The following RNF111 variants were observed in gnomAD, a reference collection of about 807,000 sequenced individuals.
RNF111 encodes E3 ubiquitin-protein ligase Arkadia.
A neutral mutation model predicts 95.1 loss-of-function variants in RNF111; 17 were observed. That is an observed-to-expected ratio of 0.18 (90% CI 0.12 to 0.27). The LOEUF (loss-of-function observed/expected upper bound fraction) is 0.27, where lower values mean the gene tolerates loss of function less well. Among genes scored for constraint, RNF111 ranks in the 10% least tolerant of loss-of-function variants. RNF111 has a pLI of 1.00. For missense variants in RNF111, 1,189 were observed against 1,210.4 expected, an observed-to-expected ratio of 0.98 and a Z score of 0.26; for synonymous variants, 440 against 414.8, an observed-to-expected ratio of 1.06 and a Z score of -0.74.
At chr15:59,006,098 T>C (rs1238200186) in intron 1 of RNF111, among the ~76,000 whole-genome samples, 3 of 152,208 alleles carry the variant, frequency 2.0e-5, no homozygotes, top group East Asian at 1.9e-4. Context: ...GAAGGAAAGG[T>C]TGGTGATTTT....
At chr15:59,002,616 G>A (rs554906410) in intron 1 of RNF111, among the ~76,000 whole-genome samples, 22 of 151,888 alleles carry the variant, frequency 1.4e-4, no homozygotes, top group Admixed American at 5.2e-4. Flanking sequence ...TTTAGATCCA[G>A]GCTTTGCTAT....
chr15:59,022,732 A>C (rs2040405645), intron 1 of RNF111, among the ~76,000 whole-genome samples: 1 of 152,248 alleles, frequency 6.6e-6, no homozygotes, highest in Admixed American at 6.5e-5. Context: ...AGACTCACCA[A>C]AGTGACATTG....
chr15:59,019,048 C>T (rs543168536), intron 1 of RNF111, among the ~76,000 whole-genome samples: 4 of 151,598 alleles, frequency 2.6e-5, no homozygotes, highest in Non-Finnish European at 2.9e-5. Context: ...CTCAGCCACC[C>T]GTGTAGGTGA....
intron 8 of RNF111, 82 bp from the exon 9 acceptor site, chr15:59,084,047 A>G (rs755530333): frequency 5.5e-5 from 72 of 1,318,360 alleles, no homozygotes; most frequent in Non-Finnish European, 6.9e-5. Context: ...TATTAATACT[A>G]GGGATTTTTT....
intron 6 of RNF111, among the ~76,000 whole-genome samples, chr15:59,068,056 AC>A (rs2042743329): frequency 6.6e-6 from 1 of 152,168 alleles, no homozygotes; most frequent in South Asian, 2.1e-4. Flanking sequence ...TGCTACTTTA[AC>A]TTTTGTTATG....
intron 1 of RNF111, among the ~76,000 whole-genome samples, chr15:59,013,396 T>G (rs1475134088): frequency 6.6e-6 from 1 of 152,222 alleles, no homozygotes; most frequent in Non-Finnish European, 1.5e-5. Context: ...TTTCTCAGTC[T>G]TCCCTTATTT....
At position 59,095,930 on chromosome 15, in the gene RNF111, T is replaced by G. The variant is rs746802331; in HGVS notation, c.*1030T>G. The G allele has an allele frequency of 4.8e-5, 19 of 397,936 alleles. No homozygotes were observed. Among genetic ancestry groups the G allele is most frequent in the Non-Finnish European group, 7.5e-5 (17 of 225,532 alleles). 24.7% of individuals were successfully genotyped at this position (397,936 alleles called of 1,614,324 possible). The stretch of plus-strand genomic sequence containing the variant: ...ATCACTTTTAAGGGATTTTTATTAG[T>G]TTAAAGGTAAATAAAGTCAGCTGAA... On this transcript the variant is annotated 3_prime_UTR_variant, in exon 14 of 14. Transcript: ENST00000348370.
rs2079185418 is a variant in RNF111, at chr15:59,097,034, A to T, written c.*2134A>T. On this transcript the variant is annotated 3_prime_UTR_variant, in exon 14 of 14. Coordinates refer to ENST00000348370, the MANE Select transcript of RNF111 (RefSeq NM_017610.8). ...GCTTTGTTACTTTGAAATTTATTTAATAAAAGTATTTGTGACATAAACCTG... is the reference window on the plus strand; with the variant it reads ...GCTTTGTTACTTTGAAATTTATTTATTAAAAGTATTTGTGACATAAACCTG... 1 of 152,248 alleles carries T rather than the reference A, an allele frequency of 6.6e-6. No homozygotes were observed. Among genetic ancestry groups the T allele is most frequent in the African/African-American group, 2.4e-5 (1 of 41,458 alleles). 9.4% of individuals were successfully genotyped at this position (152,248 alleles called of 1,614,324 possible). A position where few individuals can be genotyped will look rare whatever the true frequency, so the allele number is the denominator to read the frequency against.
At chr15:58,997,825 A>C (rs905518635) in intron 1 of RNF111, among the ~76,000 whole-genome samples, 80 of 151,954 alleles carry the variant, frequency 5.3e-4, no homozygotes, top group African/African-American at 1.7e-3. Context: ...AAAAAAAAAA[A>C]CAAAAACCCA....
chr15:59,079,804 G>A (rs1158767925), intron 7 of RNF111, among the ~76,000 whole-genome samples: 1 of 152,024 alleles, frequency 6.6e-6, no homozygotes, highest in Non-Finnish European at 1.5e-5. Flanking sequence ...AGGACTTTAC[G>A]TCCATATTTG....
chr15:58,996,008 T>C (rs1164743252), intron 1 of RNF111, among the ~76,000 whole-genome samples: 1 of 152,130 alleles, frequency 6.6e-6, no homozygotes, highest in Non-Finnish European at 1.5e-5. Flanking sequence ...ATAGTAGGTT[T>C]ATATTTCTTT....
At chr15:59,019,925 C>T (rs1968607) in intron 1 of RNF111, among the ~76,000 whole-genome samples, 47,764 of 151,840 alleles carry the variant, frequency 0.31, 7,607 homozygotes, top group Middle Eastern at 0.45. Context: ...TGCCACTGCA[C>T]TTCAGCCTGG....
At position 58,987,929 on chromosome 15, in the gene RNF111, C is replaced by T. The variant is rs1407238545; in HGVS notation, c.-159C>T. The stretch of plus-strand genomic sequence containing the variant: ...GCGGTGACAGACACTGTTCTTGACT[C>T]TAGGGGCCTATTAGGCCGACGTCTG... On this transcript the variant is annotated 5_prime_UTR_variant, in exon 1 of 14. Coordinates refer to ENST00000348370, the MANE Select transcript of RNF111 (RefSeq NM_017610.8). The T allele has an allele frequency of 1.3e-5, 2 of 152,684 alleles. No individual in the cohort carries two copies. Among genetic ancestry groups the T allele is most frequent in the African/African-American group, 4.8e-5 (2 of 41,472 alleles). The allele number at this position is 152,684 out of a possible 1,614,324, so 9.5% of individuals were successfully genotyped here. A position where few individuals can be genotyped will look rare whatever the true frequency, so the allele number is the denominator to read the frequency against.
At chr15:59,046,413 G>A (rs149547152) in intron 2 of RNF111, among the ~76,000 whole-genome samples, 2 of 152,164 alleles carry the variant, frequency 1.3e-5, no homozygotes, top group Non-Finnish European at 2.9e-5. Flanking sequence ...GGCTGGTCTC[G>A]CACTCCTGGG....
intron 1 of RNF111, among the ~76,000 whole-genome samples, chr15:59,020,036 GAGTTT>G (rs2040258618): frequency 6.6e-6 from 1 of 150,952 alleles, no homozygotes; most frequent in Non-Finnish European, 1.5e-5. Context: ...ATGGATTTTT[GAGTTT>G]AGTTCTCTTA....
chr15:59,047,820 C>G (rs2041786722), intron 2 of RNF111, among the ~76,000 whole-genome samples: 1 of 152,194 alleles, frequency 6.6e-6, no homozygotes, highest in South Asian at 2.1e-4. Flanking sequence ...AGCAATCTGC[C>G]TGCCTCGGTC....
intron 2 of RNF111, among the ~76,000 whole-genome samples, chr15:59,048,167 G>A (rs1373913632): frequency 6.6e-6 from 1 of 152,170 alleles, no homozygotes; most frequent in African/African-American, 2.4e-5. Context: ...AATGTTCATA[G>A]CTACTTTATT....
intron 1 of RNF111, among the ~76,000 whole-genome samples, chr15:59,017,933 A>G (rs1222923974): frequency 6.6e-6 from 1 of 151,326 alleles, no homozygotes; most frequent in Non-Finnish European, 1.5e-5. Context: ...AATTTTTTGT[A>G]TTTTTGGTAG....
chr15:59,089,793 A>G (rs2078997609), intron 11 of RNF111, 34 bp downstream of exon 11: 1 of 1,413,430 alleles, frequency 7.1e-7, no homozygotes, highest in African/African-American at 1.4e-5. Flanking sequence ...TGTTTGTCAC[A>G]GTATCTTTAA....
Sources: allele counts gnomAD v4.1 joint callset (sites outside exome capture counted in the v4.1 genomes callset), GRCh38; gene constraint gnomAD v4.1.1; transcripts MANE v1.5; gene names NCBI Gene and HGNC (gene_info 2026-07-23, HGNC 2026-07-21).